GRIN2C: variants seen among roughly 807,000 people sequenced by gnomAD.
GRIN2C encodes glutamate receptor ionotropic, NMDA 2C.
GRIN2C carries 64 observed loss-of-function variants against 77.7 expected under a neutral mutation model. The observed-to-expected ratio is 0.82, with a 90% CI of 0.67 to 1.01. GRIN2C has a LOEUF of 1.01. GRIN2C is among the 50% of genes least tolerant of loss of function. The probability of loss-of-function intolerance (pLI) is 0.00; values close to 1 mark genes in which losing one functional copy is unlikely to be tolerated. For synonymous variants in GRIN2C, 792 were observed against 643.4 expected, an observed-to-expected ratio of 1.23 and a Z score of -3.49; for missense variants, 1,549 against 1,486.0, an observed-to-expected ratio of 1.04 and a Z score of -0.70.
rs1204301028 is a variant in GRIN2C, at chr17:74,855,004, A to G, written c.89T>C (p.Met30Thr). Reference sequence around the variant, plus strand: ...GCTGCTAAACACCACGGCCACCGTCATGCCCTGCTCGCCCTGCCCCGGACC... The same window carrying G: ...GCTGCTAAACACCACGGCCACCGTCGTGCCCTGCTCGCCCTGCCCCGGACC... ...GLGPGQGEQG[M>T]TVAVVFSSSG... The change falls in exon 2 of 13, where the codon ATG (methionine) becomes ACG (threonine). Residue 30 changes from methionine to threonine, a missense_variant. By Grantham distance (81) the Met-to-Thr change is moderately conservative. This residue lies in a region of GRIN2C where 382 missense variants were observed against 360.0 expected (regional missense o/e 1.06). Coordinates refer to ENST00000293190, the MANE Select transcript of GRIN2C (RefSeq NM_000835.6). 1 of 1,606,136 alleles carries G rather than the reference A, an allele frequency of 6.2e-7. No homozygotes were observed. Among genetic ancestry groups the G allele is most frequent in the Admixed American group, 1.7e-5 (1 of 59,966 alleles).
In GRIN2C at chr17:74,844,423, G is replaced by T; in HGVS notation, c.2436C>A (p.Ile812=). The part of the protein sequence containing the change: ...KNEVMSSKLD[I]DNMAGVFYML... ...TGTAGAAGACGCCTGCCATGTTGTC[G>T]ATGTCCAGCTTGCTGCTCATCACCT... Residue 812 remains isoleucine, a synonymous_variant, in exon 12 of 13, where the codon ATC becomes ATA. Coordinates refer to ENST00000293190, the MANE Select transcript of GRIN2C (RefSeq NM_000835.6). 1 of 1,614,190 alleles carries T rather than the reference G, an allele frequency of 6.2e-7. No homozygotes were observed. The highest frequency in any genetic ancestry group is 8.5e-7 in the Non-Finnish European group (1 of 1,180,040).
rs2037620947 is a variant in GRIN2C at position 74,850,875 on chromosome 17, G to A, written c.1114-108C>T. 8.1e-5 allele frequency: 77 copies of A among 950,896 alleles called. No individual in the cohort carries two copies. The South Asian group carries it at 1.1e-3, about 14-fold the overall frequency. 58.9% of individuals were successfully genotyped at this position (950,896 alleles called of 1,614,324 possible). ...CTCCCTCTCTCACCTAGGGATGCTG[G>A]GGCAGGTCAGAGTAGGGCTGCTCCC... On this transcript the variant is annotated intron_variant, in intron 4 of 12. Transcript: ENST00000293190. This position sits in a 1 kb window ranked among gnomAD's most constrained non-coding sequence, Gnocchi z 5.3.
Position 74,847,281 on chromosome 17 carries a change from C to A in GRIN2C, c.2001+27G>T, listed in dbSNP as rs746721366. On this transcript the variant is annotated intron_variant, in intron 9 of 12. Transcript: ENST00000293190. This position sits in a 1 kb window ranked among gnomAD's most constrained non-coding sequence, Gnocchi z 5.2. ...TGTCCCCACCCTCAGTGCCCCCCCC[C>A]ACCCCCAGCAGCTATGGCCCCACAA... 5.1e-5 allele frequency: 56 copies of A among 1,104,936 alleles called. 1 individual carries two copies. Among genetic ancestry groups the A allele is most frequent in the African/African-American group, 2.9e-4 (18 of 61,046 alleles). 68.4% of individuals were successfully genotyped at this position (1,104,936 alleles called of 1,614,324 possible).
Position 74,846,166 on chromosome 17 carries a change from A to G in GRIN2C, c.2250T>C (p.Ser750=). 6.2e-7 allele frequency: 1 copy of G among 1,614,190 alleles called. No individual in the cohort carries two copies. The highest frequency in any genetic ancestry group is 8.5e-7 in the Non-Finnish European group (1 of 1,180,002). ...AGCCAGTGGTAGCAAAGACCTTGCC[A>G]GACCCAATGGTGACCAGCTTGCAGC... ...DEGCKLVTIG[S]GKVFATTGYG... Residue 750 remains serine (S), a synonymous_variant, in exon 11 of 13, where the codon TCT becomes TCC. Transcript: ENST00000293190. This position sits in a 1 kb window ranked among gnomAD's most constrained non-coding sequence, Gnocchi z 4.4.
Position 74,852,048 on chromosome 17 carries a change from A to G in GRIN2C, c.963T>C (p.Pro321=). Residue 321 remains proline (P), a synonymous_variant, in exon 3 of 13, where the codon CCT becomes CCC. Coordinates refer to ENST00000293190, the MANE Select transcript of GRIN2C (RefSeq NM_000835.6). ...PAPAGDCRVH[P]GPVSPAREAF... ...CCTCCCGGGCAGGGCTGACGGGCCCAGGGTGAACACGGCAGTCCCCGGCCG... is the reference window on the plus strand; with the variant it reads ...CCTCCCGGGCAGGGCTGACGGGCCCGGGGTGAACACGGCAGTCCCCGGCCG... 2 of 1,464,818 alleles carry G rather than the reference A, an allele frequency of 1.4e-6. No individual in the cohort carries two copies. Among genetic ancestry groups the G allele is most frequent in the Non-Finnish European group, 9.0e-7 (1 of 1,107,374 alleles). 90.7% of individuals were successfully genotyped at this position (1,464,818 alleles called of 1,614,324 possible).
upstream of GRIN2C, chr17:74,860,375 C>CG: frequency 2.2e-6 from 1 of 455,800 alleles, no homozygotes; most frequent in African/African-American, 2.0e-5. Context: ...TCCCCTTGGA[C>CG]GACCAGGGCT....
chr17:74,852,728 A>C (rs1030135663), intron 2 of GRIN2C, 117 bp from the exon 3 acceptor site: 4 of 500,124 alleles, frequency 8.0e-6, no homozygotes, highest in Non-Finnish European at 1.3e-5. Flanking sequence ...GATGCTCCGC[A>C]TTCCGGGAGC....
In GRIN2C at chr17:74,852,322, C is replaced by T; in HGVS notation, c.689G>A (p.Arg230His). ...GGCGAAGAGCACCTCGGCCTCCTCGCGCGAGCAGTAGGCCACAAACACGGG... is the reference window on the plus strand; with the variant it reads ...GGCGAAGAGCACCTCGGCCTCCTCGTGCGAGCAGTAGGCCACAAACACGGG... The part of the protein sequence containing the change: ...DAPVFVAYCS[R>H]EEAEVLFAEA... Residue 230 changes from arginine to histidine, a missense_variant, in exon 3 of 13, where the codon CGC becomes CAC. Arg to His is a conservative substitution (Grantham distance 29). Around this residue, in one of 3 missense-constraint regions of GRIN2C, gnomAD observed 382 missense variants for 360.0 expected, o/e 1.06. Coordinates refer to ENST00000293190, the MANE Select transcript of GRIN2C (RefSeq NM_000835.6). The T allele has an allele frequency of 6.9e-7, 1 of 1,454,406 alleles. No individual in the cohort carries two copies. Among genetic ancestry groups the T allele is most frequent in the Non-Finnish European group, 9.0e-7 (1 of 1,110,674 alleles). 90.1% of individuals were successfully genotyped at this position (1,454,406 alleles called of 1,614,324 possible). A position where few individuals can be genotyped will look rare whatever the true frequency, so the allele number is the denominator to read the frequency against.
At chr17:74,854,246 C>G (rs2037745859) in intron 2 of GRIN2C, 2 of 160,066 alleles carry the variant, frequency 1.2e-5, no homozygotes, top group African/African-American at 4.8e-5. Context: ...TTGGAACGTT[C>G]TCCCCTGAGC....
chr17:74,850,385 G>A lies in GRIN2C; in HGVS notation c.1326-14C>T, dbSNP rs377233409. The A allele has an allele frequency of 1.7e-4, 267 of 1,606,876 alleles. 1 individual carries two copies. The highest frequency in any genetic ancestry group is 2.1e-4 in the Non-Finnish European group (248 of 1,179,540). ...ACGTCCCCGCTGCTGCAGCCATGCC[G>A]CCATGAGACCACCGGGAGTCAGAGT... On this transcript the variant is annotated splice_polypyrimidine_tract_variant and intron_variant, in intron 5 of 12. Coordinates refer to ENST00000293190, the MANE Select transcript of GRIN2C (RefSeq NM_000835.6). This position sits in a 1 kb window ranked among gnomAD's most constrained non-coding sequence, Gnocchi z 5.3.
In GRIN2C at chr17:74,852,264, G is replaced by A. The variant is rs989972155; in HGVS notation, c.747C>T (p.Gly249=). The A allele has an allele frequency of 2.1e-6, 3 of 1,402,686 alleles. No homozygotes were observed. Among genetic ancestry groups the A allele is most frequent in the Non-Finnish European group, 2.8e-6 (3 of 1,083,790 alleles). 86.9% of individuals were successfully genotyped at this position (1,402,686 alleles called of 1,614,324 possible). A position where few individuals can be genotyped will look rare whatever the true frequency, so the allele number is the denominator to read the frequency against. ...EAAQAGLVGP[G]HVWLVPNLAL... ...CCAGGTTGGGCACCAGCCACACGTG[G>A]CCGGGCCCCACCAGACCGGCCTGCG... Residue 249 remains glycine (G), a synonymous_variant, in exon 3 of 13, where the codon GGC becomes GGT. Transcript: ENST00000293190.
At position 74,850,999 on chromosome 17, in the gene GRIN2C, TACTGGTCCCCCCTG is replaced by T. The variant is rs2037625203; in HGVS notation, c.1114-246_1114-233del. 1.7e-6 allele frequency: 1 copy of T among 585,032 alleles called. No individual in the cohort carries two copies. Among genetic ancestry groups the T allele is most frequent in the African/African-American group, 1.9e-5 (1 of 53,616 alleles). The allele number at this position is 585,032 out of a possible 1,614,324, so 36.2% of individuals were successfully genotyped here. A position where few individuals can be genotyped will look rare whatever the true frequency, so the allele number is the denominator to read the frequency against. On this transcript the variant is annotated intron_variant, in intron 4 of 12. Transcript: ENST00000293190. This position sits in a 1 kb window ranked among gnomAD's most constrained non-coding sequence, Gnocchi z 5.3. Reference sequence around the variant, plus strand: ...AGACCTGACCCTGTCTCACTCACTGTACTGGTCCCCCCTGACTTTGACAGAACGTCCTTAGCTGA... The same window carrying T: ...AGACCTGACCCTGTCTCACTCACTGTACTTTGACAGAACGTCCTTAGCTGA...
rs1598494455 is a variant in GRIN2C at position 74,855,011 on chromosome 17, G to C, written c.82C>G (p.Gln28Glu). ...WAGLGPGQGEQGMTVAVVFSS... is the reference protein window; with the variant it reads ...WAGLGPGQGEEGMTVAVVFSS... ...AACACCACGGCCACCGTCATGCCCT[G>C]CTCGCCCTGCCCCGGACCCAGCCCT... Residue 28 changes from glutamine (Q) to glutamate (E), a missense_variant, in exon 2 of 13, where the codon CAG becomes GAG. Transcript: ENST00000293190. The C allele has an allele frequency of 6.2e-7, 1 of 1,604,356 alleles. No homozygotes were observed. The highest frequency in any genetic ancestry group is 2.2e-5 in the East Asian group (1 of 44,866).
At chr17:74,852,640 G>GT in intron 2 of GRIN2C, 29 bp from the exon 3 acceptor site, 1 of 934,106 alleles carries the variant, frequency 1.1e-6, no homozygotes, top group Non-Finnish European at 1.3e-6. Flanking sequence ...TGAGCGGGGC[G>GT]GGAGGGCCGA....
intron 4 of GRIN2C, chr17:74,851,147 T>C (rs777552329): frequency 3.1e-6 from 1 of 321,356 alleles, no homozygotes; most frequent in Non-Finnish European, 5.8e-6. Flanking sequence ...AGCTCAAATA[T>C]CCCATCTTCT....
rs778306849 is a variant in GRIN2C at position 74,846,980 on chromosome 17, C to A, written c.2002-60G>T. On this transcript the variant is annotated intron_variant, in intron 9 of 12. Coordinates refer to ENST00000293190, the MANE Select transcript of GRIN2C (RefSeq NM_000835.6). The surrounding 1 kb of genome is among the most constrained non-coding windows in gnomAD (Gnocchi z 4.4). ...TCCTCCAGCCTTCCAGGCACCAAAG[C>A]CCCAAACCCACCCCAGAGCCCAGCC... is the stretch of plus-strand genomic sequence containing the variant. 4 of 1,549,448 alleles carry A rather than the reference C, an allele frequency of 2.6e-6. No homozygotes were observed. Among genetic ancestry groups the A allele is most frequent in the Admixed American group, 3.5e-5 (2 of 57,218 alleles).
In GRIN2C at chr17:74,849,808, A is replaced by G. The variant is rs781090081; in HGVS notation, c.1617T>C (p.Asn539=). 2.7e-5 allele frequency: 43 copies of G among 1,612,684 alleles called. No individual in the cohort carries two copies. The Admixed American group carries it at 6.5e-4, about 25-fold the overall frequency. The part of the protein sequence containing the change: ...TGISVMVARS[N]GTVSPSAFLE... Reference sequence around the variant, plus strand: ...AGAAGGCCGAGGGGGAGACGGTGCCATTGCTGCGAGCCACCATCACACTGA... The same window carrying G: ...AGAAGGCCGAGGGGGAGACGGTGCCGTTGCTGCGAGCCACCATCACACTGA... The change falls in exon 7 of 13, where the codon AAT becomes AAC. Residue 539 remains asparagine, a synonymous_variant. Coordinates refer to ENST00000293190, the MANE Select transcript of GRIN2C (RefSeq NM_000835.6). This position sits in a 1 kb window ranked among gnomAD's most constrained non-coding sequence, Gnocchi z 4.6.
At chr17:74,844,916 T>C (rs1001405250) in intron 11 of GRIN2C, among the ~76,000 whole-genome samples, 1 of 152,002 alleles carries the variant, frequency 6.6e-6, no homozygotes, top group African/African-American at 2.4e-5. Context: ...ACATTGTGAT[T>C]GCTCTTATTA....
At position 74,842,445 on chromosome 17, in the gene GRIN2C, G is replaced by C. The variant is rs912164531; in HGVS notation, c.3692C>G (p.Ser1231Ter). 1 of 774,260 alleles carries C rather than the reference G, an allele frequency of 1.3e-6. No homozygotes were observed. Among genetic ancestry groups the C allele is most frequent in the Admixed American group, 1.7e-5 (1 of 57,568 alleles). The allele number at this position is 774,260 out of a possible 1,614,324, so 48.0% of individuals were successfully genotyped here. Residue 1231 changes from serine (S) to a stop codon, truncating the protein, a stop_gained, in exon 13 of 13, where the codon TCA becomes TGA. Coordinates refer to ENST00000293190, the MANE Select transcript of GRIN2C (RefSeq NM_000835.6). LOFTEE classifies it high-confidence loss of function. The stretch of plus-strand genomic sequence containing the variant: ...TGAGTGGCTGATAACTCACACTTCT[G>C]ACTCCAGACTGGAGATCCGTCTCCA... ...CTWRRISSLE[S>*]EV
Sources: gnomAD v4.1 joint callset for allele counts (sites outside exome capture counted in the v4.1 genomes callset) on GRCh38, gnomAD v4.1.1 for gene constraint, gnomAD v4.1.1 regional missense constraint, Gnocchi (gnomAD v3.1) non-coding constraint, MANE v1.5 for transcripts, NCBI Gene and HGNC (gene_info 2026-07-23, HGNC 2026-07-21) for gene names.